Variants in MYO5B observed in about 807,000 individuals in gnomAD.
MYO5B encodes the protein unconventional myosin-Vb.
MYO5B carries 143 observed loss-of-function variants against 229.3 expected under a neutral mutation model. The observed-to-expected ratio is 0.62, with a 90% CI of 0.54 to 0.72. MYO5B has a LOEUF of 0.72. Ranked by LOEUF, MYO5B falls within the 30% of genes least tolerant of loss-of-function variation. The pLI is 0.00. For missense variants in MYO5B, 2,321 were observed against 2,331.0 expected, an observed-to-expected ratio of 1.00 and a Z score of 0.09; for synonymous variants, 918 against 885.2, an observed-to-expected ratio of 1.04 and a Z score of -0.66.
chr18:49,902,860 T>C (rs1309743052), intron 20 of MYO5B, 27 bp from the exon 21 acceptor site: 1 of 1,597,412 alleles, frequency 6.3e-7, no homozygotes, highest in East Asian at 2.2e-5. Flanking sequence ...ATACACATCT[T>C]GTGGGTTTGC....
intron 24 of MYO5B, among the ~76,000 whole-genome samples, chr18:49,878,099 C>T (rs1486892601): frequency 3.9e-5 from 6 of 152,078 alleles, no homozygotes; most frequent in Non-Finnish European, 8.8e-5. Flanking sequence ...CTTAATGAAA[C>T]GCAAATTCCT....
At chr18:50,178,712 C>A (rs562619164) in intron 1 of MYO5B, among the ~76,000 whole-genome samples, 5 of 152,296 alleles carry the variant, frequency 3.3e-5, no homozygotes, top group African/African-American at 9.6e-5. Flanking sequence ...CTTTGGCCAG[C>A]ATTTAGGCAG....
chr18:50,155,610 G>T (rs868687369), intron 1 of MYO5B, among the ~76,000 whole-genome samples: 4 of 152,158 alleles, frequency 2.6e-5, no homozygotes, highest in Non-Finnish European at 4.4e-5. Flanking sequence ...TGTTTTGCCC[G>T]GCACTCCCAA....
chr18:50,162,122 A>G (rs577925729), intron 1 of MYO5B, among the ~76,000 whole-genome samples: 4 of 152,360 alleles, frequency 2.6e-5, no homozygotes, highest in African/African-American at 4.8e-5. Flanking sequence ...ACATTCTCCA[A>G]TTCCCCTGTG....
At chr18:50,067,625 C>T (rs1162072149) in intron 1 of MYO5B, among the ~76,000 whole-genome samples, 7 of 152,118 alleles carry the variant, frequency 4.6e-5, no homozygotes, top group Admixed American at 6.6e-5. Flanking sequence ...TCTTAGTTTC[C>T]GTGAGAGCCC....
chr18:49,885,472 T>A lies in MYO5B; in HGVS notation c.3046-5017A>T, dbSNP rs1169355881. Among the ~76,000 whole-genome samples the A allele has an allele frequency of 2.0e-5, 3 of 152,228 alleles. No homozygotes were observed. In the East Asian group the frequency reaches 5.8e-4, roughly 29 times the overall value. ...GGCACCTTTCAAACTCTTCTAGACT[T>A]CATGGCATTAAAACCCAGAGAGGTG... is the stretch of plus-strand genomic sequence containing the variant. On this transcript the variant is annotated intron_variant, in intron 22 of 39. Transcript: ENST00000285039.
chr18:49,916,498 G>T (rs1274971417), intron 17 of MYO5B, among the ~76,000 whole-genome samples: 3 of 152,226 alleles, frequency 2.0e-5, no homozygotes, highest in Non-Finnish European at 4.4e-5. Context: ...CGTATGGAGA[G>T]CTCCAAAGCT....
At chr18:49,864,496 T>C in intron 27 of MYO5B, 116 bp from the exon 28 acceptor site, 2 of 1,420,594 alleles carry the variant, frequency 1.4e-6, no homozygotes, top group East Asian at 2.3e-5. Flanking sequence ...CTTTAAACGT[T>C]GACACACATG....
intron 12 of MYO5B, among the ~76,000 whole-genome samples, chr18:49,955,609 C>T (rs2025483980): frequency 6.6e-6 from 1 of 152,142 alleles, no homozygotes; most frequent in African/African-American, 2.4e-5. Flanking sequence ...TTCTTAAATC[C>T]TTTGTAAGCA....
chr18:50,036,721 G>A (rs943911365), intron 4 of MYO5B, 129 bp downstream of exon 4: 3 of 1,105,918 alleles, frequency 2.7e-6, no homozygotes, highest in Middle Eastern at 5.8e-4. Context: ...GGGCTGCTTT[G>A]TTTCCAAGAT....
intron 39 of MYO5B, among the ~76,000 whole-genome samples, chr18:49,833,375 G>A (rs2023947052): frequency 6.6e-6 from 1 of 152,186 alleles, no homozygotes; most frequent in African/African-American, 2.4e-5. Flanking sequence ...AATGTAGGAG[G>A]GCAGGACTGA....
At chr18:50,162,802 T>C (rs1238082080) in intron 1 of MYO5B, among the ~76,000 whole-genome samples, 2 of 152,228 alleles carry the variant, frequency 1.3e-5, no homozygotes, top group African/African-American at 4.8e-5. Flanking sequence ...AGCACAGTAC[T>C]GCCCAAAAAG....
intron 1 of MYO5B, among the ~76,000 whole-genome samples, chr18:50,188,083 T>C (rs1460530361): frequency 6.6e-6 from 1 of 152,116 alleles, no homozygotes; most frequent in Non-Finnish European, 1.5e-5. Flanking sequence ...TCTGGAAAAA[T>C]ATAGAAACTG....
Position 50,117,988 on chromosome 18 carries a change from G to A in MYO5B, c.28-62610C>T, listed in dbSNP as rs188639489. On this transcript the variant is annotated intron_variant, in intron 1 of 39. Transcript: ENST00000285039. ...GCTCCTGCACTGCCAGATTTCACAT[G>A]GAAGTGAAAGGATAATAAATTCAAG... 3.3e-5 allele frequency among the ~76,000 whole-genome samples: 5 copies of A among 152,270 alleles called. No individual in the cohort carries two copies. In the East Asian group the frequency reaches 9.7e-4, roughly 29 times the overall value.
In MYO5B at chr18:49,953,203, T is replaced by C. The variant is rs371961302; in HGVS notation, c.1752+57A>G. 112 of 1,523,526 alleles carry C rather than the reference T, an allele frequency of 7.4e-5. No homozygotes were observed. In the African/African-American group the frequency reaches 1.3e-3, roughly 18 times the overall value. The allele number at this position is 1,523,526 out of a possible 1,614,324, so 94.4% of individuals were successfully genotyped here. On this transcript the variant is annotated intron_variant, in intron 14 of 39. Transcript: ENST00000285039. ...CCAAGGAGGTTGCATCACCACTCCCTGTCCAGCACTGGCCGTGGGCATTCC... is the reference window on the plus strand; with the variant it reads ...CCAAGGAGGTTGCATCACCACTCCCCGTCCAGCACTGGCCGTGGGCATTCC...
rs1208368731 is a variant in MYO5B, at chr18:49,837,590, T to C, written c.5065A>G (p.Ile1689Val). The part of the protein sequence containing the change: ...LQVFKQLFYM[I>V]NAVTLNNLLL... ...AGGTTGTTAAGAGTCACTGCGTTGA[T>C]CATGTAGAAGAGCTGTTTGAATACC... Residue 1689 changes from isoleucine to valine, a missense_variant, in exon 37 of 40, where the codon ATC becomes GTC. This residue lies in a region of MYO5B where 208 missense variants were observed against 286.3 expected (regional missense o/e 0.73). Transcript: ENST00000285039. 6.2e-7 allele frequency: 1 copy of C among 1,613,848 alleles called. No individual in the cohort carries two copies. Among genetic ancestry groups the C allele is most frequent in the Non-Finnish European group, 8.5e-7 (1 of 1,179,866 alleles).
intron 11 of MYO5B, 94 bp from the exon 12 acceptor site, chr18:49,962,500 C>T (rs1365253992): frequency 1.3e-6 from 2 of 1,527,610 alleles, no homozygotes; most frequent in African/African-American, 1.4e-5. Context: ...TTCTGGAGGA[C>T]AGCAGAGAAC....
At chr18:49,976,853 G>C (rs899190132) in intron 9 of MYO5B, among the ~76,000 whole-genome samples, 4 of 152,334 alleles carry the variant, frequency 2.6e-5, no homozygotes, top group Non-Finnish European at 4.4e-5. Context: ...ATGTAGTAGA[G>C]TTAAGTGCCT....
chr18:50,178,382 C>G (rs1046329188), intron 1 of MYO5B, among the ~76,000 whole-genome samples: 7 of 152,214 alleles, frequency 4.6e-5, no homozygotes, highest in African/African-American at 1.7e-4. Flanking sequence ...AGATATTAAC[C>G]ACTGTTTGCC....
Sources: allele counts gnomAD v4.1 joint callset (sites outside exome capture counted in the v4.1 genomes callset), GRCh38; gene constraint gnomAD v4.1.1; regional missense constraint gnomAD v4.1.1; transcripts MANE v1.5; gene names NCBI Gene and HGNC (gene_info 2026-07-23, HGNC 2026-07-21).